BEND5: variants seen among roughly 807,000 people sequenced by gnomAD.
BEND5 encodes BEN domain-containing protein 5.
A neutral mutation model predicts 43.9 loss-of-function variants in BEND5; 22 were observed. The observed-to-expected ratio is 0.50, with a 90% CI of 0.36 to 0.72. The LOEUF is 0.72. Among genes scored for constraint, BEND5 ranks in the 30% least tolerant of loss-of-function variants. The pLI is 0.00. For missense variants in BEND5, 428 were observed against 550.6 expected, an observed-to-expected ratio of 0.78 and a Z score of 2.23; for synonymous variants, 228 against 225.9, an observed-to-expected ratio of 1.01 and a Z score of -0.08.
chr1:48,741,838 T>C (rs1649965774), intron 4 of BEND5, among the ~76,000 whole-genome samples: 1 of 152,206 alleles, frequency 6.6e-6, no homozygotes, highest in Admixed American at 6.5e-5. Flanking sequence ...AACATAACGC[T>C]AAAGCTGAAT....
Position 48,758,901 on chromosome 1 carries a change from G to T in BEND5, c.744C>A (p.Ser248Arg). 1 of 1,510,052 alleles carries T rather than the reference G, an allele frequency of 6.6e-7. No individual in the cohort carries two copies. The highest frequency in any genetic ancestry group is 8.8e-7 in the Non-Finnish European group (1 of 1,132,838). 93.5% of individuals were successfully genotyped at this position (1,510,052 alleles called of 1,614,324 possible). The change falls in exon 3 of 6, where the codon AGC becomes AGA. Residue 248 changes from serine to arginine, a missense_variant and splice_region_variant. By Grantham distance (110) the Ser-to-Arg change is moderately radical. Around this residue, in one of 4 missense-constraint regions of BEND5, gnomAD observed 243 missense variants for 286.4 expected, o/e 0.85. Transcript: ENST00000371833. ...TAGGTGACCTGCTGGGGCACTCACC[G>T]CTGCCAAGCCGCAGGAGCAGCACGT... ...LQDVLLLRLG[S>R]GPAIDLEKVK...
At chr1:48,772,721 T>C (rs191631129) in intron 1 of BEND5, among the ~76,000 whole-genome samples, 1 of 152,038 alleles carries the variant, frequency 6.6e-6, no homozygotes, top group African/African-American at 2.4e-5. Context: ...ATTGGGAAAA[T>C]AGATCAGAGA....
intron 1 of BEND5, 100 bp from the exon 2 acceptor site, chr1:48,761,570 C>G: frequency 8.0e-7 from 1 of 1,245,368 alleles, no homozygotes; most frequent in Non-Finnish European, 1.1e-6. Context: ...ATAATTGAGG[C>G]CAGACCAGTT....
intron 3 of BEND5, among the ~76,000 whole-genome samples, chr1:48,757,301 T>A (rs1481191029): frequency 6.6e-6 from 1 of 152,226 alleles, no homozygotes; most frequent in African/African-American, 2.4e-5. Flanking sequence ...CCATCCCCCA[T>A]CACCACTACA....
chr1:48,747,433 CT>C (rs1650944257), intron 3 of BEND5, among the ~76,000 whole-genome samples: 1 of 152,202 alleles, frequency 6.6e-6, no homozygotes, highest in South Asian at 2.1e-4. Context: ...CACACAACCC[CT>C]GACTGCATAT....
chr1:48,752,799 G>A (rs1424410689), intron 3 of BEND5, among the ~76,000 whole-genome samples: 1 of 152,062 alleles, frequency 6.6e-6, no homozygotes, highest in Non-Finnish European at 1.5e-5. Context: ...CGCCAGGCTG[G>A]AGTGCAGTGG....
Position 48,736,464 on chromosome 1 carries a change from A to T in BEND5, c.895-12T>A, listed in dbSNP as rs1480313317. On this transcript the variant is annotated splice_polypyrimidine_tract_variant and intron_variant, in intron 4 of 5. Coordinates refer to ENST00000371833, the MANE Select transcript of BEND5 (RefSeq NM_024603.4). The surrounding 1 kb of genome is among the most constrained non-coding windows in gnomAD (Gnocchi z 4.0). ...CTTCCCAGATGGACCTGAGAGGAATAAGAACACCAGCACCTGTTTAGTCCG... is the reference window on the plus strand; with the variant it reads ...CTTCCCAGATGGACCTGAGAGGAATTAGAACACCAGCACCTGTTTAGTCCG... The T allele has an allele frequency of 6.2e-7, 1 of 1,612,578 alleles. No individual in the cohort carries two copies. Among genetic ancestry groups the T allele is most frequent in the Non-Finnish European group, 8.5e-7 (1 of 1,178,850 alleles).
chr1:48,763,531 G>A (rs1170397224), intron 1 of BEND5, among the ~76,000 whole-genome samples: 2 of 151,940 alleles, frequency 1.3e-5, no homozygotes, highest in Non-Finnish European at 2.9e-5. Flanking sequence ...AGAGAGAGAC[G>A]ATGAGGGTGG....
intron 5 of BEND5, among the ~76,000 whole-genome samples, chr1:48,734,721 C>T (rs894383370): frequency 6.6e-6 from 1 of 152,216 alleles, no homozygotes; most frequent in African/African-American, 2.4e-5. Context: ...TCAAATGTCA[C>T]CTCCTCAAAC....
intron 2 of BEND5, 39 bp from the exon 3 acceptor site, chr1:48,759,323 C>T: frequency 6.5e-7 from 1 of 1,535,622 alleles, no homozygotes; most frequent in Non-Finnish European, 8.8e-7. Flanking sequence ...GCAAGGGCAG[C>T]TGGGATTTTC....
intron 3 of BEND5, among the ~76,000 whole-genome samples, chr1:48,755,760 T>C (rs1183888725): frequency 6.6e-6 from 1 of 152,192 alleles, no homozygotes; most frequent in Non-Finnish European, 1.5e-5. Context: ...ACTCTGCGTT[T>C]TAATAACATG....
intron 3 of BEND5, among the ~76,000 whole-genome samples, chr1:48,757,643 T>C (rs1016711830): frequency 2.6e-5 from 4 of 152,204 alleles, no homozygotes; most frequent in Non-Finnish European, 4.4e-5. Context: ...CACCCAAAGA[T>C]CTACTGAGCC....
At chr1:48,730,019 C>G (rs138122730) in intron 5 of BEND5, among the ~76,000 whole-genome samples, 40 of 152,314 alleles carry the variant, frequency 2.6e-4, no homozygotes, top group African/African-American at 9.6e-4. Flanking sequence ...TCACCCTTCA[C>G]CTGCCTAAGC....
intron 4 of BEND5, among the ~76,000 whole-genome samples, chr1:48,740,519 G>C (rs966519737): frequency 2.0e-5 from 3 of 152,192 alleles, no homozygotes; most frequent in African/African-American, 7.2e-5. Context: ...ACCCAAATCA[G>C]AAATTTGTGT....
At chr1:48,761,195 G>A (rs535951532) in intron 2 of BEND5, 142 bp downstream of exon 2, 20 of 931,744 alleles carry the variant, frequency 2.1e-5, no homozygotes, top group African/African-American at 1.2e-4. Flanking sequence ...GTTGTCCCAC[G>A]CTTTCACTAC....
At chr1:48,764,816 T>C (rs1445404978) in intron 1 of BEND5, among the ~76,000 whole-genome samples, 4 of 152,142 alleles carry the variant, frequency 2.6e-5, no homozygotes, top group Admixed American at 6.5e-5. Flanking sequence ...TTGAAAACAA[T>C]AGAGCCCCGT....
chr1:48,769,133 G>A (rs1207332536), intron 1 of BEND5, among the ~76,000 whole-genome samples: 6 of 152,284 alleles, frequency 3.9e-5, no homozygotes, highest in Non-Finnish European at 4.4e-5. Flanking sequence ...CTATGTGACC[G>A]CTGGCCAGTC....
intron 3 of BEND5, among the ~76,000 whole-genome samples, chr1:48,758,459 T>G (rs1644063843): frequency 6.6e-6 from 1 of 152,230 alleles, no homozygotes; most frequent in Non-Finnish European, 1.5e-5. Context: ...CTCCAACCCC[T>G]GAATTCTCAT....
At chr1:48,735,540 A>T (rs1648904087) in intron 5 of BEND5, among the ~76,000 whole-genome samples, 1 of 151,924 alleles carries the variant, frequency 6.6e-6, no homozygotes, top group African/African-American at 2.4e-5. Flanking sequence ...GGAAGGAAGA[A>T]GGAAAAAGGA....
Sources: allele counts gnomAD v4.1 joint callset (sites outside exome capture counted in the v4.1 genomes callset), GRCh38; gene constraint gnomAD v4.1.1; regional missense constraint gnomAD v4.1.1; non-coding constraint Gnocchi (gnomAD v3.1); transcripts MANE v1.5; gene names NCBI Gene and HGNC (gene_info 2026-07-23, HGNC 2026-07-21).